The following GLIS3 variants were observed in gnomAD, a reference collection of about 807,000 sequenced individuals.
GLIS3 encodes the protein zinc finger protein GLIS3.
In GLIS3, 53 loss-of-function variants were observed where a neutral mutation model predicts 78.6. The ratio of observed to expected loss-of-function variants is 0.67; its 90% confidence interval spans 0.54 to 0.85. The LOEUF (loss-of-function observed/expected upper bound fraction) is 0.85, where lower values mean the gene tolerates loss of function less well. Among genes scored for constraint, GLIS3 ranks in the 40% least tolerant of loss-of-function variants. GLIS3 has a pLI of 0.00. For missense variants in GLIS3, 1,703 were observed against 1,231.1 expected (o/e 1.38, Z -5.74); for synonymous variants, 684 against 509.9 (o/e 1.34, Z -4.60).
chr9:4,411,998 C>T, the GLIS3 span, among the ~76,000 whole-genome samples: 1 of 152,200 alleles, frequency 6.6e-6, no homozygotes, highest in South Asian at 2.1e-4. Context: ...TAAGAGACAG[C>T]ACACAATCTT....
At chr9:3,862,662 T>TG (rs1364491571) in intron 8 of GLIS3, among the ~76,000 whole-genome samples, 1 of 152,122 alleles carries the variant, frequency 6.6e-6, no homozygotes, top group Admixed American at 6.6e-5. Context: ...AGCACTGCTT[T>TG]GGGGGTTAAC....
At chr9:4,078,697 C>T (rs1408483440) in intron 4 of GLIS3, among the ~76,000 whole-genome samples, 1 of 152,198 alleles carries the variant, frequency 6.6e-6, no homozygotes, top group East Asian at 1.9e-4. Flanking sequence ...CAGCATTTTT[C>T]ACTATAATCC....
the GLIS3 span, among the ~76,000 whole-genome samples, chr9:4,371,014 G>A: frequency 1.3e-5 from 2 of 152,208 alleles, no homozygotes; most frequent in Admixed American, 1.3e-4. Flanking sequence ...AATGTTAACA[G>A]TGACCTGGGT....
At chr9:3,947,340 C>G (rs1816372549) in intron 4 of GLIS3, among the ~76,000 whole-genome samples, 1 of 152,224 alleles carries the variant, frequency 6.6e-6, no homozygotes, top group African/African-American at 2.4e-5. Context: ...TCTGTCATCT[C>G]TTGACTGAGA....
At chr9:4,019,407 C>T (rs1171885764) in intron 4 of GLIS3, among the ~76,000 whole-genome samples, 1 of 152,196 alleles carries the variant, frequency 6.6e-6, no homozygotes, top group Non-Finnish European at 1.5e-5. Context: ...CACTGTTTGG[C>T]AGCTGTACCA....
At chr9:4,364,546 C>T in the GLIS3 span, among the ~76,000 whole-genome samples, 1 of 151,944 alleles carries the variant, frequency 6.6e-6, no homozygotes, top group Non-Finnish European at 1.5e-5. Flanking sequence ...GGTTACAAAA[C>T]AATATCCATA....
At chr9:4,340,984 A>T (rs1024351589) in intron 2 of GLIS3, among the ~76,000 whole-genome samples, 1 of 152,178 alleles carries the variant, frequency 6.6e-6, no homozygotes, top group Non-Finnish European at 1.5e-5. Flanking sequence ...GCCTCACCTG[A>T]TATTTTAGCA....
chr9:3,985,348 G>A (rs971413324), intron 4 of GLIS3, among the ~76,000 whole-genome samples: 18 of 152,196 alleles, frequency 1.2e-4, no homozygotes, highest in South Asian at 4.1e-4. Flanking sequence ...GGGTTTCACC[G>A]TGTTGCCCAG....
At chr9:3,934,230 A>G (rs1311698221) in intron 5 of GLIS3, among the ~76,000 whole-genome samples, 2 of 152,182 alleles carry the variant, frequency 1.3e-5, no homozygotes, top group Non-Finnish European at 2.9e-5. Context: ...CCCTGGTTTC[A>G]GGAGTGCAAC....
intron 9 of GLIS3, among the ~76,000 whole-genome samples, chr9:3,837,342 C>G (rs1385410129): frequency 2.0e-5 from 3 of 152,196 alleles, no homozygotes; most frequent in Admixed American, 6.5e-5. Flanking sequence ...GGTACAGCCA[C>G]TTTAGAAGAC....
At chr9:4,081,870 C>A (rs1828578443) in intron 4 of GLIS3, among the ~76,000 whole-genome samples, 1 of 152,184 alleles carries the variant, frequency 6.6e-6, no homozygotes, top group South Asian at 2.1e-4. Flanking sequence ...GTAAATTGTT[C>A]TCCTTTTTGT....
chr9:4,321,918 G>C (rs1157130077), intron 2 of GLIS3, among the ~76,000 whole-genome samples: 1 of 152,016 alleles, frequency 6.6e-6, no homozygotes, highest in African/African-American at 2.4e-5. Flanking sequence ...TGGGGTACAC[G>C]TGCATAACCT....
chr9:3,832,873 G>C (rs918743496), intron 9 of GLIS3, among the ~76,000 whole-genome samples: 7 of 152,106 alleles, frequency 4.6e-5, no homozygotes, highest in Admixed American at 3.9e-4. Flanking sequence ...CACAAATAGG[G>C]ACATTAATCA....
chr9:4,322,980 C>T (rs1235315909), intron 2 of GLIS3, among the ~76,000 whole-genome samples: 1 of 152,120 alleles, frequency 6.6e-6, no homozygotes, highest in Non-Finnish European at 1.5e-5. Flanking sequence ...TCATGAAGTC[C>T]TTGCCCATGC....
intron 2 of GLIS3, among the ~76,000 whole-genome samples, chr9:4,140,347 C>T (rs544261229): frequency 3.2e-4 from 48 of 151,946 alleles, no homozygotes; most frequent in African/African-American, 1.1e-3. Context: ...CAAAACAGAA[C>T]AAAAAAAGCC....
rs116392510 is a variant in GLIS3, at chr9:4,242,362, A to G, written c.388+43676T>C. The stretch of plus-strand genomic sequence containing the variant: ...GTTTGGCTATTACCCAGGAAATCCT[A>G]TACTTATTGCTCAAAAACTTGCTTT... On this transcript the variant is annotated intron_variant, in intron 2 of 10. Coordinates refer to ENST00000381971, the MANE Select transcript of GLIS3 (RefSeq NM_001042413.2). 5.4e-3 allele frequency among the ~76,000 whole-genome samples: 815 copies of G among 152,294 alleles called. 6 individuals carry two copies. The highest frequency in any genetic ancestry group is 0.019 in the African/African-American group (775 of 41,552).
chr9:4,297,917 G>A (rs563548329), intron 1 of GLIS3, among the ~76,000 whole-genome samples: 3 of 152,070 alleles, frequency 2.0e-5, no homozygotes, highest in Admixed American at 6.6e-5. Flanking sequence ...TGCCGGGGTC[G>A]GAGATTCCTC....
chr9:4,280,847 C>G (rs1178347372), intron 2 of GLIS3, among the ~76,000 whole-genome samples: 1 of 151,852 alleles, frequency 6.6e-6, no homozygotes, highest in Non-Finnish European at 1.5e-5. Context: ...GATCTTGGAC[C>G]AGAGAGAGCG....
At chr9:4,091,285 T>C (rs1374574446) in intron 4 of GLIS3, among the ~76,000 whole-genome samples, 1 of 152,004 alleles carries the variant, frequency 6.6e-6, no homozygotes, top group Non-Finnish European at 1.5e-5. Flanking sequence ...GAGGATCTCT[T>C]GAGCCTGGGA....
Sources: allele counts gnomAD v4.1 joint callset (sites outside exome capture counted in the v4.1 genomes callset), GRCh38; gene constraint gnomAD v4.1.1; transcripts MANE v1.5; gene names NCBI Gene and HGNC (gene_info 2026-07-23, HGNC 2026-07-21).